SLC25A51: variants seen among roughly 807,000 people sequenced by gnomAD.
The protein encoded by SLC25A51 is mitochondrial nicotinamide adenine dinucleotide transporter SLC25A51.
In SLC25A51, 11 loss-of-function variants were observed where a neutral mutation model predicts 19.1. The ratio of observed to expected loss-of-function variants is 0.58; its 90% confidence interval spans 0.36 to 0.96. SLC25A51 has a LOEUF of 0.96. Ranked by LOEUF, SLC25A51 falls within the 40% of genes least tolerant of loss-of-function variation. SLC25A51 has a pLI of 0.01. For synonymous variants in SLC25A51, 105 were observed against 133.6 expected, an observed-to-expected ratio of 0.79 and a Z score of 1.47; for missense variants, 201 against 365.4, an observed-to-expected ratio of 0.55 and a Z score of 3.67.
At chr9:37,896,185 A>G (rs1260597657) in intron 2 of SLC25A51, among the ~76,000 whole-genome samples, 3 of 152,174 alleles carry the variant, frequency 2.0e-5, no homozygotes, top group African/African-American at 4.8e-5. Context: ...CAGACTGCCA[A>G]CATCACTGAT....
chr9:37,897,139 G>C (rs1406493385), intron 2 of SLC25A51, among the ~76,000 whole-genome samples: 2 of 151,998 alleles, frequency 1.3e-5, no homozygotes, highest in African/African-American at 4.8e-5. Context: ...AAACCTTAAA[G>C]CATTAAAATT....
At position 37,898,823 on chromosome 9, in the gene SLC25A51, A is replaced by T. The variant is rs1264101538; in HGVS notation, c.-43+1006T>A. Among the ~76,000 whole-genome samples, 3 of 152,356 alleles carry T rather than the reference A, an allele frequency of 2.0e-5. No homozygotes were observed. The East Asian group carries it at 5.8e-4, about 29-fold the overall frequency. ...CATGGGAAGGAAATATACATTTATT[A>T]TTGTTGTACTGAAGTTCAATCACCT... On this transcript the variant is annotated intron_variant, in intron 2 of 2. Transcript: ENST00000242275.
At chr9:37,887,555 T>C, downstream of SLC25A51, 1 of 1,367,474 alleles carries the variant, frequency 7.3e-7, no homozygotes, top group Non-Finnish European at 9.8e-7. Flanking sequence ...CTTTCCATAA[T>C]AAGATTGGGA....
In SLC25A51 at chr9:37,897,233, C is replaced by G. The variant is rs138309646; in HGVS notation, c.-43+2596G>C. On this transcript the variant is annotated intron_variant, in intron 2 of 2. Coordinates refer to ENST00000242275, the MANE Select transcript of SLC25A51 (RefSeq NM_033412.4). ...TATTTTAAATTTTTAAATTTTTTTT[C>G]TTTTTGAGATGGGGTTTCACTATGT... Among the ~76,000 whole-genome samples, 1,101 of 150,906 alleles carry G rather than the reference C, an allele frequency of 7.3e-3. 11 individuals carry two copies. Among genetic ancestry groups the G allele is most frequent in the African/African-American group, 0.025 (1,046 of 41,154 alleles).
chr9:37,890,399 A>C (rs1448784414), intron 2 of SLC25A51, among the ~76,000 whole-genome samples: 1 of 152,004 alleles, frequency 6.6e-6, no homozygotes, highest in Non-Finnish European at 1.5e-5. Flanking sequence ...AATAATAACA[A>C]TAATTTAAAA....
At chr9:37,900,099 A>T (rs1169181730) in intron 1 of SLC25A51, 149 bp from the exon 2 acceptor site, 1 of 138,026 alleles carries the variant, frequency 7.2e-6, no homozygotes, top group East Asian at 2.4e-4. Flanking sequence ...TGGCCTCCCA[A>T]AGTGTTGGGA....
At position 37,888,031 on chromosome 9, in the gene SLC25A51, G is replaced by A; in HGVS notation, c.520C>T (p.Arg174Ter). ...LKCHGIGEYY[R>*]GLVPILFRNG... The stretch of plus-strand genomic sequence containing the variant: ...CGGAAAAGAATGGGCACCAAGCCTC[G>A]ATAATACTCTCCAATTCCATGACAT... Residue 174 changes from arginine (R) to a stop codon, truncating the protein, a stop_gained, in exon 3 of 3, where the codon CGA (arginine) becomes TGA (stop). Transcript: ENST00000242275. LOFTEE classifies it high-confidence loss of function. 1.2e-6 allele frequency: 2 copies of A among 1,612,860 alleles called. No homozygotes were observed. The highest frequency in any genetic ancestry group is 1.7e-6 in the Non-Finnish European group (2 of 1,179,852).
chr9:37,886,024 T>C (rs1587155557), downstream of SLC25A51: 1 of 1,613,676 alleles, frequency 6.2e-7, no homozygotes, highest in Non-Finnish European at 8.5e-7. Flanking sequence ...CATTTGCCCC[T>C]ATCTATGCTG....
chr9:37,884,020 G>A (rs1587153195), downstream of SLC25A51, among the ~76,000 whole-genome samples: 2 of 152,170 alleles, frequency 1.3e-5, no homozygotes, highest in East Asian at 3.8e-4. Flanking sequence ...AGAACTTTCA[G>A]TAAACTACCA....
chr9:37,880,210 G>C, exon 4 of SLC25A51: 1 of 151,820 alleles, frequency 6.6e-6, no homozygotes, highest in East Asian at 1.9e-4. Context: ...CTACTCCGGA[G>C]GCTGAGGCAG....
At chr9:37,902,246 G>A (rs534563346) in intron 1 of SLC25A51, among the ~76,000 whole-genome samples, 1 of 152,210 alleles carries the variant, frequency 6.6e-6, no homozygotes, top group East Asian at 1.9e-4. Context: ...CTGAAATTTT[G>A]CAAATAAAGG....
At chr9:37,893,120 C>A (rs1254334487) in intron 2 of SLC25A51, among the ~76,000 whole-genome samples, 2 of 151,978 alleles carry the variant, frequency 1.3e-5, no homozygotes, top group Non-Finnish European at 2.9e-5. Flanking sequence ...TGAAGTGATC[C>A]AACTGCCTCA....
downstream of SLC25A51, chr9:37,887,570 C>CT: frequency 2.3e-6 from 3 of 1,313,384 alleles, no homozygotes; most frequent in Non-Finnish European, 3.1e-6. Flanking sequence ...TTGGGATTTC[C>CT]TTTAAAAAAA....
intron 2 of SLC25A51, among the ~76,000 whole-genome samples, chr9:37,890,391 T>C (rs554544369): frequency 6.6e-6 from 1 of 151,282 alleles, no homozygotes; most frequent in South Asian, 2.1e-4. Flanking sequence ...TTTCTAAAAA[T>C]AATAACAATA....
intron 2 of SLC25A51, among the ~76,000 whole-genome samples, chr9:37,890,839 C>G (rs747566374): frequency 3.1e-4 from 47 of 152,168 alleles, no homozygotes; most frequent in Admixed American, 6.5e-4. Context: ...ACAATCCAAA[C>G]CATATTTAAG....
In SLC25A51 at chr9:37,888,298, G is replaced by A. The variant is rs1426256604; in HGVS notation, c.253C>T (p.Leu85Phe). The A allele has an allele frequency of 1.9e-6, 3 of 1,614,078 alleles. No homozygotes were observed. The highest frequency in any genetic ancestry group is 2.5e-6 in the Non-Finnish European group (3 of 1,180,048). Residue 85 changes from leucine to phenylalanine, a missense_variant, in exon 3 of 3, where the codon CTT becomes TTT. Transcript: ENST00000242275. Reference sequence around the variant, plus strand: ...GTTGTCTTCTGCATCAATGGGGGAAGGATTCCACGATACAAATTTCGAAAT... The same window carrying A: ...GTTGTCTTCTGCATCAATGGGGGAAAGATTCCACGATACAAATTTCGAAAT... ...DGFRNLYRGILPPLMQKTTTL... is the reference protein window; with the variant it reads ...DGFRNLYRGIFPPLMQKTTTL...
At chr9:37,893,954 T>G (rs1831653212) in intron 2 of SLC25A51, among the ~76,000 whole-genome samples, 1 of 152,060 alleles carries the variant, frequency 6.6e-6, no homozygotes, top group Non-Finnish European at 1.5e-5. Context: ...CCCACCCCTA[T>G]TCCCTGCCCT....
At chr9:37,886,030 T>C (rs1587155564), downstream of SLC25A51, 17 of 1,613,586 alleles carry the variant, frequency 1.1e-5, no homozygotes, top group East Asian at 3.8e-4. Flanking sequence ...CCCCTATCTA[T>C]GCTGACCTCT....
At position 37,888,098 on chromosome 9, in the gene SLC25A51, A is replaced by G; in HGVS notation, c.453T>C (p.His151=). 1.2e-6 allele frequency: 2 copies of G among 1,614,014 alleles called. No homozygotes were observed. The highest frequency in any genetic ancestry group is 1.7e-6 in the Non-Finnish European group (2 of 1,179,870). ...CCTGGTAAGTGTTGGTAAATTTGTC[A>G]TGATGCTTGTGGTCTTGAAGCAATG... The part of the protein sequence containing the change: ...VQTLLQDHKH[H]DKFTNTYQAF... Residue 151 remains histidine, a synonymous_variant, in exon 3 of 3, where the codon CAT becomes CAC. Coordinates refer to ENST00000242275, the MANE Select transcript of SLC25A51 (RefSeq NM_033412.4).
Sources: gnomAD v4.1 joint callset for allele counts (sites outside exome capture counted in the v4.1 genomes callset) on GRCh38, gnomAD v4.1.1 for gene constraint, MANE v1.5 for transcripts, NCBI Gene and HGNC (gene_info 2026-07-23, HGNC 2026-07-21) for gene names.